The following LOXL4 variants were observed in gnomAD, a reference collection of about 807,000 sequenced individuals.
LOXL4 encodes lysyl oxidase like 4.
In LOXL4, 72 loss-of-function variants were observed where a neutral mutation model predicts 89.1. The ratio of observed to expected loss-of-function variants is 0.81; its 90% CI spans 0.67 to 0.98. The LOEUF (loss-of-function observed/expected upper bound fraction) is 0.98, where lower values mean the gene tolerates loss of function less well. Ranked by LOEUF, LOXL4 falls within the 50% of genes least tolerant of loss-of-function variation. The pLI, the probability that LOXL4 is intolerant of heterozygous loss-of-function variation, is 0.00. For missense variants in LOXL4, 984 were observed against 1,017.5 expected (o/e 0.97, Z 0.45); for synonymous variants, 355 against 392.1 (o/e 0.91, Z 1.12).
chr10:98,250,337 CATGT>C (rs1313558525), intron 14 of LOXL4, among the ~76,000 whole-genome samples: 12 of 152,222 alleles, frequency 7.9e-5, no homozygotes, highest in Non-Finnish European at 1.5e-4. Context: ...GGGCTATTTG[CATGT>C]GTGCATACCC....
chr10:98,249,831 A>G (rs969498779), intron 14 of LOXL4, among the ~76,000 whole-genome samples: 5 of 152,156 alleles, frequency 3.3e-5, no homozygotes, highest in African/African-American at 1.2e-4. Flanking sequence ...TCCCTGTTTC[A>G]TTTAAGTGGC....
In LOXL4 at chr10:98,248,352, A is replaced by C. The variant is rs1013335605; in HGVS notation, c.*569T>G. On this transcript the variant is annotated 3_prime_UTR_variant, in exon 15 of 15. Transcript: ENST00000260702. ...AATAGAAACACCCATGTGTGTGGTA[A>C]GATAAAGGTAAGGACACTAAAGAAC... The C allele has an allele frequency of 3.3e-5, 5 of 152,866 alleles. No individual in the cohort carries two copies. Among genetic ancestry groups the C allele is most frequent in the South Asian group, 2.1e-4 (1 of 4,840 alleles). 9.5% of individuals were successfully genotyped at this position (152,866 alleles called of 1,614,324 possible).
In LOXL4 at chr10:98,258,036, A is replaced by T. The variant is rs1858431235; in HGVS notation, c.1050T>A (p.Arg350=). Residue 350 remains arginine, a synonymous_variant, in exon 7 of 15, where the codon CGT becomes CGA. Transcript: ENST00000260702. ...WNLISASVVC[R]QLGFGSAREA... Reference sequence around the variant, plus strand: ...CCCGAGCAGAGCCAAAGCCCAGCTGACGACACACGACACTGGCAGAGATGA... The same window carrying T: ...CCCGAGCAGAGCCAAAGCCCAGCTGTCGACACACGACACTGGCAGAGATGA... 1 of 1,613,754 alleles carries T rather than the reference A, an allele frequency of 6.2e-7. No homozygotes were observed. Among genetic ancestry groups the T allele is most frequent in the Admixed American group, 1.7e-5 (1 of 60,004 alleles).
Position 98,261,072 on chromosome 10 carries a change from T to C in LOXL4, c.512A>G (p.His171Arg). 1.9e-6 allele frequency: 3 copies of C among 1,613,870 alleles called. No individual in the cohort carries two copies. The highest frequency in any genetic ancestry group is 1.1e-5 in the South Asian group (1 of 91,082). ...LKPILASAKQ[H>R]SPVTEGAVEV... ...CACGGCTCCCTCGGTCACTGGGCTA[T>C]GCTGCTTGGCACTGGCAAGGATGGG... Residue 171 changes from histidine (H) to arginine (R), a missense_variant, in exon 4 of 15, where the codon CAT (histidine) becomes CGT (arginine). Coordinates refer to ENST00000260702, the MANE Select transcript of LOXL4 (RefSeq NM_032211.7).
chr10:98,250,826 G>T (rs1399368102), intron 14 of LOXL4, among the ~76,000 whole-genome samples: 2 of 152,210 alleles, frequency 1.3e-5, no homozygotes, highest in African/African-American at 4.8e-5. Flanking sequence ...CAATCAAACA[G>T]CCTTAAGTGC....
intron 13 of LOXL4, 46 bp from the exon 14 acceptor site, chr10:98,251,222 G>T: frequency 7.3e-7 from 1 of 1,373,200 alleles, no homozygotes; most frequent in Non-Finnish European, 1.0e-6. Context: ...TTTGGTTTCT[G>T]AATGAGTTGA....
chr10:98,255,960 C>G, intron 9 of LOXL4: 1 of 491,836 alleles, frequency 2.0e-6, no homozygotes, highest in Non-Finnish European at 3.6e-6. Context: ...TAAAAATCCA[C>G]CCACCGTGGC....
rs778061702 is a variant in LOXL4 at position 98,253,708 on chromosome 10, G to A, written c.1680C>T (p.His560=). 43 of 1,614,138 alleles carry A rather than the reference G, an allele frequency of 2.7e-5. No individual in the cohort carries two copies. Among genetic ancestry groups the A allele is most frequent in the South Asian group, 3.3e-5 (3 of 91,092 alleles). ...CAGACTTGGAGAGGCAGTTCTCCTC[G>A]TGGGCACAATACAGCTGGCTGAGCG... The part of the protein sequence containing the change: ...DRPLSQLYCA[H]EENCLSKSAD... Residue 560 remains histidine (H), a synonymous_variant, in exon 11 of 15, where the codon CAC becomes CAT. Transcript: ENST00000260702.
Position 98,253,591 on chromosome 10 carries a change from C to T in LOXL4, c.1797G>A (p.Lys599=), listed in dbSNP as rs376466181. The T allele has an allele frequency of 6.2e-7, 1 of 1,614,154 alleles. No individual in the cohort carries two copies. Among genetic ancestry groups the T allele is most frequent in the African/African-American group, 1.3e-5 (1 of 74,960 alleles). The part of the protein sequence containing the change: ...YNLGRTDFRP[K]TGRDSWVWHQ... ...GCCAAACCCAGCTATCGCGTCCAGT[C>T]TTTGGACGAAAGTCAGTCCGGCCCA... Residue 599 remains lysine, a synonymous_variant, in exon 11 of 15, where the codon AAG becomes AAA. Coordinates refer to ENST00000260702, the MANE Select transcript of LOXL4 (RefSeq NM_032211.7).
chr10:98,251,664 G>A lies in LOXL4; in HGVS notation c.1990C>T (p.Gln664Ter), dbSNP rs781484657. 1 of 1,614,230 alleles carries A rather than the reference G, an allele frequency of 6.2e-7. No individual in the cohort carries two copies. Among genetic ancestry groups the A allele is most frequent in the Non-Finnish European group, 8.5e-7 (1 of 1,180,046 alleles). Residue 664 changes from glutamine (Q) to a stop codon, truncating the protein, a stop_gained, in exon 13 of 15, where the codon CAG becomes TAG. Coordinates refer to ENST00000260702, the MANE Select transcript of LOXL4 (RefSeq NM_032211.7). LOFTEE classifies it high-confidence loss of function. ...TCCCAGCAGCCTACAGTCACTCCCT[G>A]TTCTCCAAAGTTGGCACATGCGTAG... ...RRYACANFGE[Q>*]GVTVGCWDTY... is the part of the protein sequence containing the mutation.
Position 98,264,108 on chromosome 10 carries a change from T to C in LOXL4, c.-32-1057A>G, listed in dbSNP as rs1055723031. Among the ~76,000 whole-genome samples, 161 of 152,008 alleles carry C rather than the reference T, an allele frequency of 1.1e-3. 4 individuals carry two copies. The highest frequency in any genetic ancestry group is 2.1e-4 in the Non-Finnish European group (14 of 67,988). ...CTCCTGCAGCTTGGATACCCTGTGA[T>C]AGCCTCACATCCATCTAGGCGTATG... On this transcript the variant is annotated intron_variant, in intron 1 of 14. Transcript: ENST00000260702.
chr10:98,259,497 C>A, intron 4 of LOXL4, 68 bp from the exon 5 acceptor site: 1 of 1,381,170 alleles, frequency 7.2e-7, no homozygotes, highest in South Asian at 1.2e-5. Flanking sequence ...CACCTGGTTC[C>A]TCATAGTTGT....
At chr10:98,249,204 T>C (rs1858120614) in intron 14 of LOXL4, among the ~76,000 whole-genome samples, 4 of 152,226 alleles carry the variant, frequency 2.6e-5, no homozygotes, top group Non-Finnish European at 5.9e-5. Context: ...AGAGTTGTGC[T>C]AGTTATTCTC....
chr10:98,254,774 T>G (rs1406484834), intron 10 of LOXL4, among the ~76,000 whole-genome samples: 2 of 152,262 alleles, frequency 1.3e-5, no homozygotes, highest in East Asian at 3.9e-4. Context: ...CTGGGAGGCC[T>G]TGGTGATGGG....
intron 1 of LOXL4, among the ~76,000 whole-genome samples, chr10:98,263,255 A>G (rs1395091762): frequency 6.6e-6 from 1 of 152,098 alleles, no homozygotes; most frequent in Non-Finnish European, 1.5e-5. Flanking sequence ...CACATTCGCC[A>G]TGACCTTGAG....
chr10:98,251,474 A>G, intron 13 of LOXL4, 92 bp downstream of exon 13: 5 of 1,543,534 alleles, frequency 3.2e-6, no homozygotes, highest in African/African-American at 1.4e-5. Context: ...GAAACCCTGT[A>G]TGGGAAATTC....
At chr10:98,250,241 T>G (rs1196379371) in intron 14 of LOXL4, among the ~76,000 whole-genome samples, 1 of 152,348 alleles carries the variant, frequency 6.6e-6, no homozygotes, top group East Asian at 1.9e-4. Context: ...GATCAAATAC[T>G]ACTTCTGTGA....
chr10:98,249,394 T>C (rs1858125461), intron 14 of LOXL4, among the ~76,000 whole-genome samples: 1 of 152,234 alleles, frequency 6.6e-6, no homozygotes, highest in South Asian at 2.1e-4. Context: ...CGGATATTCC[T>C]TCCCCTACTT....
chr10:98,251,039 C>A, intron 14 of LOXL4, 26 bp downstream of exon 14: 1 of 1,551,340 alleles, frequency 6.4e-7, no homozygotes, highest in South Asian at 1.1e-5. Context: ...CTATAGATGG[C>A]TGATTCCACA....
Sources: allele counts gnomAD v4.1 joint callset (sites outside exome capture counted in the v4.1 genomes callset), GRCh38; gene constraint gnomAD v4.1.1; transcripts MANE v1.5; gene names NCBI Gene and HGNC (gene_info 2026-07-23, HGNC 2026-07-21).